ADAM22: variants seen among roughly 807,000 people sequenced by gnomAD.
The protein encoded by ADAM22 is ADAM metallopeptidase domain 22.
A neutral mutation model predicts 144.6 loss-of-function variants in ADAM22; 65 were observed. That is an observed-to-expected ratio of 0.45 (90% confidence interval 0.37 to 0.55). ADAM22 has a LOEUF of 0.55. Ranked by LOEUF, ADAM22 falls within the 20% of genes least tolerant of loss-of-function variation. ADAM22 has a pLI of 0.00. For synonymous variants in ADAM22, 391 were observed against 412.6 expected (o/e 0.95, Z 0.63); for missense variants, 974 against 1,184.9 (o/e 0.82, Z 2.61).
intron 2 of ADAM22, among the ~76,000 whole-genome samples, chr7:87,957,786 G>C (rs1229308774): frequency 1.3e-5 from 2 of 152,212 alleles, no homozygotes; most frequent in South Asian, 2.1e-4. Flanking sequence ...GTTTCACCAT[G>C]TTAGCCAGGT....
chr7:88,124,118 CA>C (rs1470099484), intron 7 of ADAM22, among the ~76,000 whole-genome samples: 3 of 151,794 alleles, frequency 2.0e-5, no homozygotes, highest in Admixed American at 1.3e-4. Flanking sequence ...TTAAAAATGC[CA>C]ACTTAGTTAA....
intron 2 of ADAM22, among the ~76,000 whole-genome samples, chr7:87,964,193 G>T (rs1848571779): frequency 6.6e-6 from 1 of 152,104 alleles, no homozygotes; most frequent in Non-Finnish European, 1.5e-5. Flanking sequence ...AAGTTTGCTT[G>T]CTTTAAGTGG....
At chr7:88,019,619 A>T (rs578110119) in intron 3 of ADAM22, among the ~76,000 whole-genome samples, 5 of 152,202 alleles carry the variant, frequency 3.3e-5, no homozygotes, top group African/African-American at 1.2e-4. Flanking sequence ...AGGCCAAGGC[A>T]GGTGGATCAC....
At chr7:88,020,591 C>G (rs1454438814) in intron 3 of ADAM22, among the ~76,000 whole-genome samples, 2 of 152,086 alleles carry the variant, frequency 1.3e-5, no homozygotes, top group Admixed American at 1.3e-4. Flanking sequence ...TCCAAGGCAC[C>G]CTGACAGTAC....
intron 1 of ADAM22, 185 bp from the exon 2 acceptor site, chr7:87,934,841 G>A: frequency 3.7e-6 from 3 of 813,324 alleles, no homozygotes; most frequent in Non-Finnish European, 5.9e-6. Context: ...GGTTGCTCTC[G>A]GATGAGCTGG....
At chr7:88,053,460 A>G (rs763237426) in intron 3 of ADAM22, among the ~76,000 whole-genome samples, 2 of 151,834 alleles carry the variant, frequency 1.3e-5, no homozygotes, top group East Asian at 3.9e-4. Flanking sequence ...CAGAGCAAGT[A>G]TCTCTCTCTC....
intron 4 of ADAM22, among the ~76,000 whole-genome samples, chr7:88,099,599 C>T (rs1822367446): frequency 6.6e-6 from 1 of 152,106 alleles, no homozygotes; most frequent in Non-Finnish European, 1.5e-5. Context: ...GTTCTAGATA[C>T]TTATTATAGT....
chr7:88,023,109 C>T (rs979936716), intron 3 of ADAM22, among the ~76,000 whole-genome samples: 5 of 152,074 alleles, frequency 3.3e-5, no homozygotes, highest in Admixed American at 2.0e-4. Context: ...CTGGTTGTTT[C>T]GTGGTCTTCT....
At chr7:88,187,954 C>T (rs1405550549) in intron 30 of ADAM22, among the ~76,000 whole-genome samples, 1 of 151,672 alleles carries the variant, frequency 6.6e-6, no homozygotes, top group Non-Finnish European at 1.5e-5. Context: ...TCTGCTTGTC[C>T]CACACTTTCC....
chr7:88,084,356 A>G (rs1187353458), intron 4 of ADAM22, among the ~76,000 whole-genome samples: 1 of 152,202 alleles, frequency 6.6e-6, no homozygotes, highest in Non-Finnish European at 1.5e-5. Context: ...CATACCAGGG[A>G]AATGATAAAT....
chr7:88,095,326 T>C (rs1820973097), intron 4 of ADAM22, among the ~76,000 whole-genome samples: 1 of 152,210 alleles, frequency 6.6e-6, no homozygotes, highest in African/African-American at 2.4e-5. Flanking sequence ...TATTTGTTCA[T>C]AGAAGACAAT....
At chr7:88,073,933 C>T (rs1467209516) in intron 3 of ADAM22, among the ~76,000 whole-genome samples, 4 of 152,170 alleles carry the variant, frequency 2.6e-5, no homozygotes, top group African/African-American at 7.2e-5. Context: ...GTTTATTGGA[C>T]AGATAACAAA....
rs180950848 is a variant in ADAM22, at chr7:87,969,446, T to G, written c.247-8890T>G. On this transcript the variant is annotated intron_variant, in intron 2 of 31. Coordinates refer to ENST00000413139, the MANE Select transcript of ADAM22 (RefSeq NM_001324418.2). ...TTACACTCATTTTGTAATAATTTGT[T>G]TAGTACCTTCCTCTTGTGACTGTGA... Among the ~76,000 whole-genome samples the G allele has an allele frequency of 4.3e-3, 658 of 152,310 alleles. 4 individuals carry two copies. Among genetic ancestry groups the G allele is most frequent in the African/African-American group, 0.015 (623 of 41,560 alleles).
At chr7:88,121,430 G>T (rs939645791) in intron 7 of ADAM22, among the ~76,000 whole-genome samples, 2 of 152,166 alleles carry the variant, frequency 1.3e-5, no homozygotes, top group Non-Finnish European at 2.9e-5. Context: ...CTAAAACTTA[G>T]TGGCTTTAAT....
chr7:87,950,395 T>G (rs1403950694), intron 2 of ADAM22, among the ~76,000 whole-genome samples: 1 of 147,826 alleles, frequency 6.8e-6, no homozygotes, highest in Non-Finnish European at 1.5e-5. Context: ...GGTGTTTGGT[T>G]TTTTGTTCTT....
intron 3 of ADAM22, among the ~76,000 whole-genome samples, chr7:88,034,147 G>C (rs1800945674): frequency 6.6e-6 from 1 of 152,032 alleles, no homozygotes; most frequent in Non-Finnish European, 1.5e-5. Flanking sequence ...AGCTGGGAAT[G>C]TGCTAGTGAA....
At chr7:88,052,372 G>A (rs376178496) in intron 3 of ADAM22, among the ~76,000 whole-genome samples, 8 of 151,472 alleles carry the variant, frequency 5.3e-5, no homozygotes, top group African/African-American at 1.5e-4. Context: ...AGCCTGGCGT[G>A]GTGGCGGGCA....
At chr7:87,971,074 A>G (rs963373102) in intron 2 of ADAM22, among the ~76,000 whole-genome samples, 67 of 152,260 alleles carry the variant, frequency 4.4e-4, no homozygotes, top group African/African-American at 1.6e-3. Flanking sequence ...ACATATATAT[A>G]TATGTTTAAC....
In ADAM22 at chr7:88,102,720, A is replaced by T. The variant is rs191668584; in HGVS notation, c.391-5456A>T. ...TCTGCATTATAAATTGATGTCTTGA[A>T]TTGTTATTCTTAACAAAGTTTGAGA... On this transcript the variant is annotated intron_variant, in intron 4 of 31. Coordinates refer to ENST00000413139, the MANE Select transcript of ADAM22 (RefSeq NM_001324418.2). Among the ~76,000 whole-genome samples, 3 of 152,346 alleles carry T rather than the reference A, an allele frequency of 2.0e-5. No individual in the cohort carries two copies. The East Asian group carries it at 5.8e-4, about 29-fold the overall frequency.
Sources: allele counts gnomAD v4.1 joint callset (sites outside exome capture counted in the v4.1 genomes callset), GRCh38; gene constraint gnomAD v4.1.1; transcripts MANE v1.5; gene names NCBI Gene and HGNC (gene_info 2026-07-23, HGNC 2026-07-21).